ZBTB17: variants seen among roughly 807,000 people sequenced by gnomAD.
ZBTB17 encodes the protein zinc finger and BTB domain-containing protein 17.
A neutral mutation model predicts 85.1 loss-of-function variants in ZBTB17; 24 were observed. The observed-to-expected ratio is 0.28, with a 90% CI of 0.20 to 0.40. The LOEUF is 0.40. Ranked by LOEUF, ZBTB17 falls within the 10% of genes least tolerant of loss-of-function variation. The probability of loss-of-function intolerance (pLI) is 1.00; values close to 1 mark genes in which losing one functional copy is unlikely to be tolerated. For missense variants in ZBTB17, 743 were observed against 1,105.1 expected, an observed-to-expected ratio of 0.67 and a Z score of 4.65; for synonymous variants, 464 against 460.2, an observed-to-expected ratio of 1.01 and a Z score of -0.11.
In ZBTB17 at chr1:15,943,659, G is replaced by C; in HGVS notation, c.1516C>G (p.His506Asp). Reference protein sequence around the residue: ...HSGEKPYVCIHCQRQFADPGA... With the variant: ...HSGEKPYVCIDCQRQFADPGA... ...GGGTCTGCAAACTGTCGCTGGCAGT[G>C]GATGCACACGTAGGGCTTCTCCCCG... Residue 506 changes from histidine to aspartate, a missense_variant, in exon 11 of 16, where the codon CAC becomes GAC. Physicochemically the swap from His to Asp is moderately conservative, Grantham distance 81. Coordinates refer to ENST00000375743, the MANE Select transcript of ZBTB17 (RefSeq NM_003443.3). The C allele has an allele frequency of 6.2e-7, 1 of 1,613,268 alleles. No individual in the cohort carries two copies. Among genetic ancestry groups the C allele is most frequent in the Non-Finnish European group, 8.5e-7 (1 of 1,179,954 alleles).
At chr1:15,944,268 C>A (rs1436908097) in intron 9 of ZBTB17, 32 bp downstream of exon 9, 2 of 1,548,140 alleles carry the variant, frequency 1.3e-6, no homozygotes, top group Non-Finnish European at 8.7e-7. Context: ...CCGGCGGCTG[C>A]CAGGCGCTGG....
At position 15,943,528 on chromosome 1, in the gene ZBTB17, C is replaced by A. The variant is rs1263272244; in HGVS notation, c.1577-9G>T. ...CTGGCATGGCTTCTCACCTGGGGAC[C>A]GGGCAGAAGGTGTTGGTGCCTGCTC... On this transcript the variant is annotated splice_polypyrimidine_tract_variant and intron_variant, in intron 11 of 15. Coordinates refer to ENST00000375743, the MANE Select transcript of ZBTB17 (RefSeq NM_003443.3). 1.2e-6 allele frequency: 2 copies of A among 1,609,628 alleles called. No homozygotes were observed. Among genetic ancestry groups the A allele is most frequent in the African/African-American group, 1.3e-5 (1 of 74,984 alleles).
chr1:15,970,217 G>T, intron 2 of ZBTB17: 1 of 469,124 alleles, frequency 2.1e-6, no homozygotes, highest in South Asian at 2.2e-5. Flanking sequence ...TGTCTAAATT[G>T]CTTGACTCTC....
chr1:15,972,790 C>A (rs1225126184), intron 2 of ZBTB17, among the ~76,000 whole-genome samples: 2 of 152,226 alleles, frequency 1.3e-5, no homozygotes, highest in Non-Finnish European at 2.9e-5. Flanking sequence ...TCTGTTTCCA[C>A]CACTGTAGAT....
rs954301261 is a variant in ZBTB17, at chr1:15,976,054, G to A, written c.-161C>T. The stretch of plus-strand genomic sequence containing the variant: ...CGAGAAGGCCGGGGACGGCACTCCA[G>A]AGCAGACAAAGGGCGCCGCCATGTT... On this transcript the variant is annotated 5_prime_UTR_variant, in exon 1 of 16. Transcript: ENST00000375743. The A allele has an allele frequency of 4.3e-6, 3 of 692,944 alleles. No homozygotes were observed. The African/African-American group carries it at 5.3e-5, about 12-fold the overall frequency. The allele number at this position is 692,944 out of a possible 1,614,324, so 42.9% of individuals were successfully genotyped here. A position where few individuals can be genotyped will look rare whatever the true frequency, so the allele number is the denominator to read the frequency against.
At chr1:15,943,345 G>A (rs2071439252) in intron 12 of ZBTB17, 54 bp downstream of exon 12, 3 of 1,581,196 alleles carry the variant, frequency 1.9e-6, no homozygotes, top group Admixed American at 1.7e-5. Flanking sequence ...TTTGTCTTCT[G>A]AGCCCCCTCA....
intron 2 of ZBTB17, among the ~76,000 whole-genome samples, chr1:15,954,305 A>C (rs879558235): frequency 1.3e-5 from 2 of 152,194 alleles, no homozygotes; most frequent in Admixed American, 1.3e-4. Flanking sequence ...AGTATGCACT[A>C]AACTACCTGC....
chr1:15,957,467 A>G (rs1366526331), intron 2 of ZBTB17, among the ~76,000 whole-genome samples: 1 of 141,666 alleles, frequency 7.1e-6, no homozygotes, highest in Non-Finnish European at 1.6e-5. Context: ...GCAGGTGTGC[A>G]TGAGAATGAC....
chr1:15,968,882 A>G (rs2072538400), intron 2 of ZBTB17, among the ~76,000 whole-genome samples: 1 of 152,198 alleles, frequency 6.6e-6, no homozygotes, highest in Non-Finnish European at 1.5e-5. Flanking sequence ...TGTACCTTGC[A>G]GCAGGAGGTA....
Position 15,944,762 on chromosome 1 carries a change from C to G in ZBTB17, c.1005G>C (p.Ser335=). The change falls in exon 8 of 16, where the codon TCG becomes TCC. Residue 335 remains serine, a synonymous_variant. Coordinates refer to ENST00000375743, the MANE Select transcript of ZBTB17 (RefSeq NM_003443.3). ...IRIHTGEKPF[S]CRECSKAFSD... is the part of the protein sequence containing the mutation. ...AAAAGGCCTTGCTGCACTCCCGGCA[C>G]GAGAAGGGCTTCTCCCCCGTGTGGA... 1 of 1,612,974 alleles carries G rather than the reference C, an allele frequency of 6.2e-7. No homozygotes were observed. The highest frequency in any genetic ancestry group is 8.5e-7 in the Non-Finnish European group (1 of 1,179,842).
chr1:15,945,583 A>G (rs1218468583), intron 6 of ZBTB17, 132 bp downstream of exon 6: 1 of 1,334,282 alleles, frequency 7.5e-7, no homozygotes, highest in Non-Finnish European at 1.0e-6. Flanking sequence ...AGGTGTCCCA[A>G]AGCTGAAGTG....
At position 15,951,438 on chromosome 1, in the gene ZBTB17, C is replaced by T. The variant is rs2071837771; in HGVS notation, c.-2-2941G>A. ...GGGGTGCAAGAGCAGCTCGAGGGGG[C>T]CAGGAGGGGGCGGACTAAGTGCTAA... is the stretch of plus-strand genomic sequence containing the variant. On this transcript the variant is annotated intron_variant, in intron 2 of 15. Coordinates refer to ENST00000375743, the MANE Select transcript of ZBTB17 (RefSeq NM_003443.3). The surrounding 1 kb of genome is among the most constrained non-coding windows in gnomAD (Gnocchi z 4.1). 6.6e-6 allele frequency among the ~76,000 whole-genome samples: 1 copy of T among 152,074 alleles called. No individual in the cohort carries two copies. The highest frequency in any genetic ancestry group is 2.1e-4 in the South Asian group (1 of 4,816).
At chr1:15,972,861 G>A (rs2072735071) in intron 2 of ZBTB17, among the ~76,000 whole-genome samples, 178 bp downstream of exon 2, 1 of 152,136 alleles carries the variant, frequency 6.6e-6, no homozygotes, top group African/African-American at 2.4e-5. Flanking sequence ...TCTCTCTGCA[G>A]GTAAAACAAT....
At position 15,952,770 on chromosome 1, in the gene ZBTB17, CA is replaced by C. The variant is rs2071909333; in HGVS notation, c.-2-4274del. 2.0e-5 allele frequency: 3 copies of C among 152,630 alleles called. No individual in the cohort carries two copies. The South Asian group carries it at 6.2e-4, about 32-fold the overall frequency. The allele number at this position is 152,630 out of a possible 1,614,324, so 9.5% of individuals were successfully genotyped here. A position where few individuals can be genotyped will look rare whatever the true frequency, so the allele number is the denominator to read the frequency against. On this transcript the variant is annotated intron_variant, in intron 2 of 15. Transcript: ENST00000375743. This position sits in a 1 kb window ranked among gnomAD's most constrained non-coding sequence, Gnocchi z 4.3. ...AGAAGAGCAGAGAGGCCACTGACAG[CA>C]CCAATGCTCTGTGGCGAGGGACACA...
rs756960980 is a variant in ZBTB17, at chr1:15,942,435, G to A, written c.2039-15C>T. Reference sequence around the variant, plus strand: ...CACCGGCACCACTGCGGGCAGAGTCGCAGGGCCTAAGGTGAAGGCACGGGC... The same window carrying A: ...CACCGGCACCACTGCGGGCAGAGTCACAGGGCCTAAGGTGAAGGCACGGGC... On this transcript the variant is annotated splice_polypyrimidine_tract_variant and intron_variant, in intron 14 of 15. Transcript: ENST00000375743. The A allele has an allele frequency of 9.9e-6, 16 of 1,612,754 alleles. No individual in the cohort carries two copies. The highest frequency in any genetic ancestry group is 6.7e-5 in the African/African-American group (5 of 75,070).
chr1:15,951,177 C>T lies in ZBTB17; in HGVS notation c.-2-2680G>A, dbSNP rs559455209. Among the ~76,000 whole-genome samples, 67 of 152,112 alleles carry T rather than the reference C, an allele frequency of 4.4e-4. No individual in the cohort carries two copies. The highest frequency in any genetic ancestry group is 1.5e-3 in the African/African-American group (64 of 41,494). ...CGGGTGTTAGGAGGAGAAACAGAGG[C>T]GTCTATAATCCTCTGAGGCTGCCCC... On this transcript the variant is annotated intron_variant, in intron 2 of 15. Transcript: ENST00000375743. This position sits in a 1 kb window ranked among gnomAD's most constrained non-coding sequence, Gnocchi z 4.1.
chr1:15,965,264 T>C (rs2072402454), intron 2 of ZBTB17, among the ~76,000 whole-genome samples: 1 of 151,608 alleles, frequency 6.6e-6, no homozygotes. Context: ...AACAAAAAAC[T>C]AACAAAATGT....
Position 15,946,940 on chromosome 1 carries a change from G to A in ZBTB17, c.389C>T (p.Thr130Ile). ...AGCAGCTGCCAATAACCTACCTTCTGTGGCCAAGGCCTCCGCATTTCCCCC... is the reference window on the plus strand; with the variant it reads ...AGCAGCTGCCAATAACCTACCTTCTATGGCCAAGGCCTCCGCATTTCCCCC... Reference protein sequence around the residue: ...SPGGNAEALATEGGDKRAKEE... With the variant: ...SPGGNAEALAIEGGDKRAKEE... Residue 130 changes from threonine (T) to isoleucine (I), a missense_variant, in exon 4 of 16, where the codon ACA (threonine) becomes ATA (isoleucine). Around this residue, in one of 4 missense-constraint regions of ZBTB17, gnomAD observed 279 missense variants for 269.9 expected, o/e 1.03. Coordinates refer to ENST00000375743, the MANE Select transcript of ZBTB17 (RefSeq NM_003443.3). 6.2e-7 allele frequency: 1 copy of A among 1,607,872 alleles called. No individual in the cohort carries two copies. The highest frequency in any genetic ancestry group is 2.2e-5 in the East Asian group (1 of 44,712).
chr1:15,943,652 T>C lies in ZBTB17; in HGVS notation c.1523A>G (p.Gln508Arg), dbSNP rs1213705280. The change falls in exon 11 of 16, where the codon CAG becomes CGG. Residue 508 changes from glutamine to arginine, a missense_variant. Transcript: ENST00000375743. ...GEKPYVCIHC[Q>R]RQFADPGALQ... ...AGCGCCGGGGTCTGCAAACTGTCGC[T>C]GGCAGTGGATGCACACGTAGGGCTT... The C allele has an allele frequency of 6.2e-7, 1 of 1,612,984 alleles. No homozygotes were observed. Among genetic ancestry groups the C allele is most frequent in the African/African-American group, 1.3e-5 (1 of 74,872 alleles).
Sources: gnomAD v4.1 joint callset for allele counts (sites outside exome capture counted in the v4.1 genomes callset) on GRCh38, gnomAD v4.1.1 for gene constraint, gnomAD v4.1.1 regional missense constraint, Gnocchi (gnomAD v3.1) non-coding constraint, MANE v1.5 for transcripts, NCBI Gene and HGNC (gene_info 2026-07-23, HGNC 2026-07-21) for gene names.